TMEM178B: variants seen among roughly 807,000 people sequenced by gnomAD.
TMEM178B encodes transmembrane protein 178B.
A neutral mutation model predicts 31.0 loss-of-function variants in TMEM178B; 5 were observed. The ratio of observed to expected loss-of-function variants is 0.16; its 90% CI spans 0.08 to 0.34. TMEM178B has a LOEUF of 0.34. Among genes scored for constraint, TMEM178B ranks in the 10% least tolerant of loss-of-function variants. TMEM178B has a pLI of 1.00. For synonymous variants in TMEM178B, 164 were observed against 164.0 expected (o/e 1.00, Z 0.00); for missense variants, 275 against 400.3 (o/e 0.69, Z 2.67).
At chr7:141,455,695 A>C (rs1241988376) in intron 3 of TMEM178B, among the ~76,000 whole-genome samples, 1 of 152,270 alleles carries the variant, frequency 6.6e-6, no homozygotes, top group East Asian at 1.9e-4. Flanking sequence ...AATGTCTATC[A>C]TATTATAAAC....
In TMEM178B at chr7:141,473,135, A is replaced by G. The variant is rs915624972; in HGVS notation, c.*2349A>G. On this transcript the variant is annotated 3_prime_UTR_variant, in exon 4 of 4. Transcript: ENST00000565468. The stretch of plus-strand genomic sequence containing the variant: ...GAGAAGGGAAATAATTTTCAGGAAA[A>G]CCCAGTTTTTCAATTGGGCATTTTA... The G allele has an allele frequency of 6.6e-6, 1 of 152,134 alleles. No individual in the cohort carries two copies. Among genetic ancestry groups the G allele is most frequent in the Non-Finnish European group, 1.5e-5 (1 of 68,028 alleles). The allele number at this position is 152,134 out of a possible 1,614,324, so 9.4% of individuals were successfully genotyped here. A position where few individuals can be genotyped will look rare whatever the true frequency, so the allele number is the denominator to read the frequency against.
intron 2 of TMEM178B, among the ~76,000 whole-genome samples, chr7:141,350,682 AT>A (rs1041360913): frequency 6.6e-6 from 1 of 152,312 alleles, no homozygotes; most frequent in Admixed American, 6.5e-5. Flanking sequence ...ACCAGGTTAA[AT>A]TTTTTAATTT....
chr7:141,410,545 C>CTTATT (rs1554484927), intron 2 of TMEM178B, among the ~76,000 whole-genome samples: 2 of 146,306 alleles, frequency 1.4e-5, no homozygotes, highest in Admixed American at 1.4e-4. Flanking sequence ...TCTCTCCTTC[C>CTTATT]TTCTTTTCTT....
chr7:141,494,245 A>G, the TMEM178B span, among the ~76,000 whole-genome samples: 1 of 152,192 alleles, frequency 6.6e-6, no homozygotes, highest in East Asian at 1.9e-4. Flanking sequence ...GAGTAGACAG[A>G]TTTTGTAACT....
At chr7:141,260,348 C>G (rs1797992003) in intron 2 of TMEM178B, among the ~76,000 whole-genome samples, 1 of 152,214 alleles carries the variant, frequency 6.6e-6, no homozygotes, top group Non-Finnish European at 1.5e-5. Context: ...CAGATTCCCA[C>G]TGATCTTGGA....
chr7:141,361,785 CTG>C (rs1457586585), intron 2 of TMEM178B, among the ~76,000 whole-genome samples: 1 of 152,222 alleles, frequency 6.6e-6, no homozygotes, highest in Non-Finnish European at 1.5e-5. Flanking sequence ...ATAATTGAGA[CTG>C]TCTCTCTCAA....
chr7:141,507,272 G>A, the TMEM178B span, among the ~76,000 whole-genome samples: 234 of 152,332 alleles, frequency 1.5e-3, 1 homozygote, highest in Non-Finnish European at 2.3e-3. Context: ...CTTCTGCACT[G>A]CCCTAGCAGA....
intron 1 of TMEM178B, among the ~76,000 whole-genome samples, chr7:141,087,818 T>C (rs1282494603): frequency 6.6e-6 from 1 of 152,172 alleles, no homozygotes; most frequent in African/African-American, 2.4e-5. Flanking sequence ...TCCCTATTTA[T>C]ACAAACTATA....
intron 2 of TMEM178B, among the ~76,000 whole-genome samples, chr7:141,389,955 T>C (rs17162192): frequency 0.079 from 11,978 of 152,080 alleles, 565 homozygotes; most frequent in South Asian, 0.11. Flanking sequence ...AACCGAGCAG[T>C]CTCTGACAGA....
At chr7:141,167,710 C>T (rs1018171727) in intron 1 of TMEM178B, among the ~76,000 whole-genome samples, 2 of 152,202 alleles carry the variant, frequency 1.3e-5, no homozygotes, top group Non-Finnish European at 2.9e-5. Context: ...TGTAGGGCAG[C>T]TCTCTTCCTG....
chr7:141,341,951 C>A (rs1799523343), intron 2 of TMEM178B, among the ~76,000 whole-genome samples: 1 of 152,172 alleles, frequency 6.6e-6, no homozygotes, highest in Non-Finnish European at 1.5e-5. Flanking sequence ...CAAAATACAA[C>A]TTTTTTTCTT....
chr7:141,481,908 G>C (rs1160949727), downstream of TMEM178B, among the ~76,000 whole-genome samples: 3 of 152,070 alleles, frequency 2.0e-5, no homozygotes, highest in African/African-American at 7.2e-5. Context: ...GAGTAGGATG[G>C]GGAAGACGTT....
chr7:141,097,033 T>A (rs1012077812), intron 1 of TMEM178B, among the ~76,000 whole-genome samples: 1 of 149,760 alleles, frequency 6.7e-6, no homozygotes, highest in African/African-American at 2.5e-5. Context: ...AAGGCTGCAG[T>A]GAGCTATGAT....
intron 2 of TMEM178B, among the ~76,000 whole-genome samples, chr7:141,294,977 A>G (rs1157449027): frequency 1.3e-5 from 2 of 152,114 alleles, no homozygotes; most frequent in African/African-American, 2.4e-5. Context: ...CTCTGCTTGC[A>G]TAGGTAATTT....
chr7:141,330,067 A>C (rs898958255), intron 2 of TMEM178B, among the ~76,000 whole-genome samples: 1 of 151,744 alleles, frequency 6.6e-6, no homozygotes, highest in African/African-American at 2.4e-5. Flanking sequence ...TGAGGGCAGT[A>C]GGATCCTATT....
At chr7:141,154,221 A>G (rs563704030) in intron 1 of TMEM178B, among the ~76,000 whole-genome samples, 23 of 152,392 alleles carry the variant, frequency 1.5e-4, no homozygotes, top group Middle Eastern at 3.4e-3. Flanking sequence ...AGACAAGGCC[A>G]GAATTTGAAG....
At chr7:141,262,352 G>A (rs950137301) in intron 2 of TMEM178B, among the ~76,000 whole-genome samples, 4 of 151,836 alleles carry the variant, frequency 2.6e-5, no homozygotes, top group Admixed American at 2.0e-4. Flanking sequence ...TATTTGGGCC[G>A]AGAAATGATT....
intron 2 of TMEM178B, among the ~76,000 whole-genome samples, chr7:141,333,151 C>G (rs1799324952): frequency 6.6e-6 from 1 of 152,356 alleles, no homozygotes; most frequent in Admixed American, 6.5e-5. Flanking sequence ...ATAGCCAGCT[C>G]TCAAATTCTA....
At chr7:141,123,903 A>C (rs1284401186) in intron 1 of TMEM178B, among the ~76,000 whole-genome samples, 1 of 152,098 alleles carries the variant, frequency 6.6e-6, no homozygotes, top group Non-Finnish European at 1.5e-5. Context: ...CAGGCGCACA[A>C]CACCAAGCCT....
Sources: allele counts gnomAD v4.1 joint callset (sites outside exome capture counted in the v4.1 genomes callset), GRCh38; gene constraint gnomAD v4.1.1; transcripts MANE v1.5; gene names NCBI Gene and HGNC (gene_info 2026-07-23, HGNC 2026-07-21).